The following ATP2B3 variants were observed in gnomAD, a reference collection of about 807,000 sequenced individuals.
ATP2B3 encodes the protein plasma membrane calcium-transporting ATPase 3.
ATP2B3 carries 12 observed loss-of-function variants against 70.8 expected under a neutral mutation model. The observed-to-expected ratio is 0.17, with a 90% CI of 0.11 to 0.27. The LOEUF (loss-of-function observed/expected upper bound fraction) is 0.27, where lower values mean the gene tolerates loss of function less well. ATP2B3 is among the 10% of genes least tolerant of loss of function. The pLI is 1.00. For synonymous variants in ATP2B3, 460 were observed against 497.8 expected (o/e 0.92, Z 1.01); for missense variants, 858 against 1,118.5 (o/e 0.77, Z 3.32).
At chrX:153,524,735 G>T (rs782444541) in intron 2 of ATP2B3, among the ~76,000 whole-genome samples, 2 of 111,291 alleles carry the variant, frequency 1.8e-5, no homozygotes, top group Non-Finnish European at 3.8e-5. Context: ...TGCTGTACCG[G>T]TGATGTGCTT....
chrX:153,562,315 C>A (rs1336399519), intron 20 of ATP2B3, 73 bp downstream of exon 20: 4 of 995,907 alleles, frequency 4.0e-6, no homozygotes, highest in Middle Eastern at 2.9e-4. Context: ...CTTGCCCTAA[C>A]CCTGCTTCAG....
chrX:153,566,692 C>T (rs1400873047), intron 21 of ATP2B3, among the ~76,000 whole-genome samples: 1 of 110,540 alleles, frequency 9.0e-6, no homozygotes, highest in Admixed American at 9.6e-5. Context: ...CCTTCAAGCC[C>T]CTGCCTCTTG....
At chrX:153,538,095 C>T (rs1557004876) in intron 3 of ATP2B3, among the ~76,000 whole-genome samples, 1 of 112,952 alleles carries the variant, frequency 8.9e-6, no homozygotes, top group Non-Finnish European at 1.9e-5. Flanking sequence ...TCAAGGTCCT[C>T]GGGCTGGAGC....
rs372310083 is a variant in ATP2B3, at chrX:153,580,006, C to T, written c.3371C>T (p.Ser1124Leu). ...QIRVVKAFRSSLYEGLEKPES... is the reference protein window; with the variant it reads ...QIRVVKAFRSLLYEGLEKPES... Reference sequence around the variant, plus strand: ...CGGGTGGTGAAAGCGTTCCGTAGCTCGCTCTATGAAGGCCTGGAGAAACCA... The same window carrying T: ...CGGGTGGTGAAAGCGTTCCGTAGCTTGCTCTATGAAGGCCTGGAGAAACCA... The change falls in exon 22 of 22, where the codon TCG becomes TTG. Residue 1124 changes from serine (S) to leucine (L), a missense_variant. By Grantham distance (145) the Ser-to-Leu change is moderately radical. Transcript: ENST00000263519. 2 of 1,208,630 alleles carry T rather than the reference C, an allele frequency of 1.7e-6. No individual in the cohort carries two copies. Among genetic ancestry groups the T allele is most frequent in the Admixed American group, 2.2e-5 (1 of 46,015 alleles).
At chrX:153,533,410 C>A (rs998348752) in intron 2 of ATP2B3, among the ~76,000 whole-genome samples, 1 of 110,922 alleles carries the variant, frequency 9.0e-6, no homozygotes. Flanking sequence ...GGCGTGCGGT[C>A]GGGGCTCAGA....
Position 153,559,849 on chromosome X carries a change from C to T in ATP2B3, c.2746C>T (p.Arg916Cys), listed in dbSNP as rs781869837. The change falls in exon 18 of 22, where the codon CGC (arginine) becomes TGC (cysteine). Residue 916 changes from arginine (R) to cysteine (C), a missense_variant. Physicochemically the swap from Arg to Cys is radical, Grantham distance 180. Transcript: ENST00000263519. The part of the protein sequence containing the change: ...ESLLLRKPYG[R>C]DKPLISRTMM... Reference sequence around the variant, plus strand: ...GCTGCTGCTGCGGAAGCCGTACGGCCGCGACAAGCCCCTCATCTCCCGCAC... The same window carrying T: ...GCTGCTGCTGCGGAAGCCGTACGGCTGCGACAAGCCCCTCATCTCCCGCAC... 3 of 1,210,493 alleles carry T rather than the reference C, an allele frequency of 2.5e-6. No individual in the cohort carries two copies. Among genetic ancestry groups the T allele is most frequent in the African/African-American group, 3.5e-5 (2 of 57,298 alleles).
chrX:153,572,295 C>T (rs1180201661), intron 21 of ATP2B3, among the ~76,000 whole-genome samples: 4 of 113,124 alleles, frequency 3.5e-5, no homozygotes, highest in Admixed American at 2.8e-4. Flanking sequence ...GGCAAGCCCA[C>T]AGTTTCCCAT....
In ATP2B3 at chrX:153,556,343, C is replaced by T. The variant is rs782655482; in HGVS notation, c.2251C>T (p.Arg751Trp). 6 of 1,207,465 alleles carry T rather than the reference C, an allele frequency of 5.0e-6. No individual in the cohort carries two copies. The highest frequency in any genetic ancestry group is 6.7e-6 in the Non-Finnish European group (6 of 893,780). ...TTCCCCTCCCCAGATAGAACAGGAG[C>T]GGCTGGACAAGGTGTGGCCCAAGCT... ...RNEKGEIEQE[R>W]LDKVWPKLRV... is the part of the protein sequence containing the mutation. The change falls in exon 15 of 22, where the codon CGG becomes TGG. Residue 751 changes from arginine (R) to tryptophan (W), a missense_variant. Coordinates refer to ENST00000263519, the MANE Select transcript of ATP2B3 (RefSeq NM_001001344.3).
Position 153,541,713 on chromosome X carries a change from G to A in ATP2B3, c.451G>A (p.Glu151Lys), listed in dbSNP as rs782141915. ...AGGCGCAGAAGATGAGGGCGAGGCC[G>A]AAGCTGGCTGGATCGAGGGGGCTGC... ...SGGAEDEGEAEAGWIEGAAIL... is the reference protein window; with the variant it reads ...SGGAEDEGEAKAGWIEGAAIL... Residue 151 changes from glutamate to lysine, a missense_variant, in exon 5 of 22, where the codon GAA (glutamate) becomes AAA (lysine). Physicochemically the swap from Glu to Lys is moderately conservative, Grantham distance 56 (BLOSUM62 1). Coordinates refer to ENST00000263519, the MANE Select transcript of ATP2B3 (RefSeq NM_001001344.3). 33 of 1,209,857 alleles carry A rather than the reference G, an allele frequency of 2.7e-5. No individual in the cohort carries two copies. Among genetic ancestry groups the A allele is most frequent in the East Asian group, 8.9e-5 (3 of 33,749 alleles).
Position 153,565,020 on chromosome X carries a change from G to A in ATP2B3, c.3259G>A (p.Glu1087Lys), listed in dbSNP as rs897119876. ...GACCGACGAGGAGCTGGCCGAAGGC[G>A]AGGAAGAGATCGACCATGCCGAGCG... Reference protein sequence around the residue: ...EMTDEELAEGEEEIDHAEREL... With the variant: ...EMTDEELAEGKEEIDHAEREL... Residue 1087 changes from glutamate to lysine, a missense_variant, in exon 21 of 22, where the codon GAG becomes AAG. Glu to Lys is a moderately conservative substitution (Grantham distance 56). Around this residue, in one of 5 missense-constraint regions of ATP2B3, gnomAD observed 265 missense variants for 305.3 expected, o/e 0.87. Coordinates refer to ENST00000263519, the MANE Select transcript of ATP2B3 (RefSeq NM_001001344.3). 3.7e-5 allele frequency: 45 copies of A among 1,200,941 alleles called. No homozygotes were observed. Among genetic ancestry groups the A allele is most frequent in the South Asian group, 1.8e-4 (10 of 55,184 alleles).
chrX:153,532,671 C>A (rs1409503977), intron 2 of ATP2B3, among the ~76,000 whole-genome samples: 1 of 112,120 alleles, frequency 8.9e-6, no homozygotes, highest in Non-Finnish European at 1.9e-5. Flanking sequence ...TGGAGGTTCT[C>A]ATTTCAATGA....
intron 2 of ATP2B3, among the ~76,000 whole-genome samples, chrX:153,532,390 G>A (rs1329731649): frequency 8.9e-6 from 1 of 112,930 alleles, no homozygotes; most frequent in Non-Finnish European, 1.9e-5. Context: ...GACAACATAG[G>A]GGAAAGAGGA....
chrX:153,535,378 G>A (rs781999593), intron 2 of ATP2B3, among the ~76,000 whole-genome samples: 45 of 111,130 alleles, frequency 4.0e-4, no homozygotes, highest in Non-Finnish European at 7.2e-4. Context: ...ACTCACCAGC[G>A]ACCTGTGGCT....
At position 153,548,120 on chromosome X, in the gene ATP2B3, G is replaced by T. The variant is rs1052641252; in HGVS notation, c.1123+121G>T. On this transcript the variant is annotated intron_variant, in intron 9 of 21. Coordinates refer to ENST00000263519, the MANE Select transcript of ATP2B3 (RefSeq NM_001001344.3). ...GAAGGGATGTGGCAGGTGATGTGTG[G>T]GCCAGGCAGGCAAGGGCACAGGCCA... The T allele has an allele frequency of 2.6e-5, 25 of 973,463 alleles. No individual in the cohort carries two copies. The African/African-American group carries it at 3.9e-4, about 15-fold the overall frequency. The allele number at this position is 973,463 out of a possible 1,213,427, so 80.2% of individuals were successfully genotyped here. A position where few individuals can be genotyped will look rare whatever the true frequency, so the allele number is the denominator to read the frequency against.
Position 153,526,229 on chromosome X carries a change from G to A in ATP2B3, c.-127+7678G>A, listed in dbSNP as rs782042185. Among the ~76,000 whole-genome samples, 46 of 112,367 alleles carry A rather than the reference G, an allele frequency of 4.1e-4. 1 individual carries two copies. Among genetic ancestry groups the A allele is most frequent in the Non-Finnish European group, 7.9e-4 (42 of 53,114 alleles). ...TTCCCAGTGGGGAGAGCAGGCATCT[G>A]TCCATGAGCACAGAGGGGGCGGGAG... On this transcript the variant is annotated intron_variant, in intron 2 of 21. Transcript: ENST00000263519.
intron 9 of ATP2B3, 111 bp downstream of exon 9, chrX:153,548,110 G>A (rs1217521712): frequency 4.0e-6 from 4 of 1,000,862 alleles, no homozygotes; most frequent in Non-Finnish European, 5.3e-6. Flanking sequence ...GATGTGGCAG[G>A]TGATGTGTGG....
Position 153,535,562 on chromosome X carries a change from C to T in ATP2B3, c.-126-560C>T, listed in dbSNP as rs111464249. On this transcript the variant is annotated intron_variant, in intron 2 of 21. Transcript: ENST00000263519. ...CTTCCTCCGGGCCTCCTCCTTTCCT[C>T]GCCCCTGGCCCCCCAGGTACTCTCA... Among the ~76,000 whole-genome samples the T allele has an allele frequency of 6.1e-3, 672 of 110,497 alleles. 5 individuals carry two copies. The highest frequency in any genetic ancestry group is 0.021 in the African/African-American group (632 of 30,261).
intron 2 of ATP2B3, among the ~76,000 whole-genome samples, chrX:153,524,924 G>C (rs189748554): frequency 2.9e-4 from 32 of 112,104 alleles, no homozygotes; most frequent in African/African-American, 1.0e-3. Flanking sequence ...GAGTTCCGAA[G>C]CCGCAGATGA....
chrX:153,558,210 C>T lies in ATP2B3; in HGVS notation c.2532C>T (p.Asn844=), dbSNP rs911008791. The T allele has an allele frequency of 5.0e-6, 6 of 1,211,741 alleles. No homozygotes were observed. The highest frequency in any genetic ancestry group is 2.3e-4 in the Middle Eastern group (1 of 4,350). Residue 844 remains asparagine (N), a synonymous_variant, in exon 17 of 22, where the codon AAC becomes AAT. Coordinates refer to ENST00000263519, the MANE Select transcript of ATP2B3 (RefSeq NM_001001344.3). The part of the protein sequence containing the change: ...SIVKAVMWGR[N]VYDSISKFLQ... ...TCAAGGCAGTCATGTGGGGCCGTAA[C>T]GTCTATGACAGCATCTCCAAGTTCC...
Sources: allele counts gnomAD v4.1 joint callset (sites outside exome capture counted in the v4.1 genomes callset), GRCh38; gene constraint gnomAD v4.1.1; regional missense constraint gnomAD v4.1.1; transcripts MANE v1.5; gene names NCBI Gene and HGNC (gene_info 2026-07-23, HGNC 2026-07-21).